The following WWOX variants were observed in gnomAD, a reference collection of about 807,000 sequenced individuals.
The protein encoded by WWOX is WW domain-containing oxidoreductase.
Under a neutral mutation model 46.2 loss-of-function variants are expected in WWOX, and 69 were observed. That is an observed-to-expected ratio of 1.49 (90% CI 1.23 to 1.82). The LOEUF is 1.82. Among genes scored for constraint, WWOX ranks in the 40% most tolerant of loss-of-function variants. The pLI, the probability that WWOX is intolerant of heterozygous loss-of-function variation, is 0.00. For missense variants in WWOX, 919 were observed against 542.6 expected (o/e 1.69, Z -6.89); for synonymous variants, 359 against 202.6 (o/e 1.77, Z -6.56).
chr16:78,816,391 T>G (rs1039928266), intron 8 of WWOX, among the ~76,000 whole-genome samples: 3 of 152,138 alleles, frequency 2.0e-5, no homozygotes, highest in Non-Finnish European at 4.4e-5. Flanking sequence ...TTTGTGCTTT[T>G]AATAGATATT....
chr16:78,993,706 C>A (rs528472658), intron 8 of WWOX, among the ~76,000 whole-genome samples: 43 of 152,350 alleles, frequency 2.8e-4, no homozygotes, highest in African/African-American at 9.9e-4. Context: ...AGGAAACACA[C>A]AGGGGCTCCA....
At chr16:78,920,864 G>A (rs1012818173) in intron 8 of WWOX, among the ~76,000 whole-genome samples, 2 of 152,190 alleles carry the variant, frequency 1.3e-5, no homozygotes, top group African/African-American at 2.4e-5. Flanking sequence ...TCAAAACTCT[G>A]ATGAGCTCGA....
At chr16:79,028,277 C>T (rs1363423757) in intron 8 of WWOX, among the ~76,000 whole-genome samples, 1 of 151,790 alleles carries the variant, frequency 6.6e-6, no homozygotes, top group Admixed American at 6.6e-5. Flanking sequence ...TTCCTAATAC[C>T]TGGCCCAGTG....
At chr16:78,290,543 G>T (rs2079843764) in intron 5 of WWOX, among the ~76,000 whole-genome samples, 1 of 152,156 alleles carries the variant, frequency 6.6e-6, no homozygotes, top group South Asian at 2.1e-4. Context: ...CCGTATTTAT[G>T]AAGAGAGTGT....
At position 78,492,386 on chromosome 16, in the gene WWOX, A is replaced by G. The variant is rs369467271; in HGVS notation, c.1056+59634A>G. Among the ~76,000 whole-genome samples the G allele has an allele frequency of 1.5e-3, 221 of 152,352 alleles. 2 individuals carry two copies. The highest frequency in any genetic ancestry group is 5.2e-3 in the African/African-American group (216 of 41,588). ...CTGGAGGGACCACATTTGTGACTCT[A>G]GCAATTAAGCCTCCCTTCTCATCTG... On this transcript the variant is annotated intron_variant, in intron 8 of 8. Coordinates refer to ENST00000566780, the MANE Select transcript of WWOX (RefSeq NM_016373.4).
At chr16:78,887,402 C>A (rs2044487997) in intron 8 of WWOX, among the ~76,000 whole-genome samples, 1 of 150,964 alleles carries the variant, frequency 6.6e-6, no homozygotes, top group Non-Finnish European at 1.5e-5. Context: ...TCCAAGGCAC[C>A]TGTTTGATAT....
At chr16:78,685,215 G>A (rs1176743023) in intron 8 of WWOX, among the ~76,000 whole-genome samples, 1 of 152,172 alleles carries the variant, frequency 6.6e-6, no homozygotes, top group African/African-American at 2.4e-5. Context: ...CCCTCAGCCA[G>A]GGCAGGAGTA....
At chr16:78,460,203 C>T (rs1239727622) in intron 8 of WWOX, among the ~76,000 whole-genome samples, 1 of 151,928 alleles carries the variant, frequency 6.6e-6, no homozygotes, top group Admixed American at 6.5e-5. Context: ...TCTGGGCTCA[C>T]TGCAACCTGT....
chr16:78,391,372 A>G (rs759193372), intron 6 of WWOX, among the ~76,000 whole-genome samples: 7 of 152,212 alleles, frequency 4.6e-5, no homozygotes, highest in Admixed American at 2.0e-4. Flanking sequence ...GATTATCCCT[A>G]CTTTGCAAAT....
chr16:79,006,303 C>T (rs1041606005), intron 8 of WWOX, among the ~76,000 whole-genome samples: 1 of 152,054 alleles, frequency 6.6e-6, no homozygotes, highest in Non-Finnish European at 1.5e-5. Context: ...CGCGGGAAGT[C>T]CAGGGACACA....
At chr16:78,877,279 C>A (rs1386794649) in intron 8 of WWOX, among the ~76,000 whole-genome samples, 2 of 77,196 alleles carry the variant, frequency 2.6e-5, no homozygotes, top group South Asian at 5.4e-4. Context: ...CTGCCTGCCT[C>A]CCCCCCTCTG....
At chr16:78,278,794 T>A in intron 5 of WWOX, 1 of 795,770 alleles carries the variant, frequency 1.3e-6, no homozygotes, top group Non-Finnish European at 2.0e-6. Context: ...CAACATCTAT[T>A]ATATGATTTA....
intron 8 of WWOX, among the ~76,000 whole-genome samples, chr16:78,611,418 A>T (rs2045897446): frequency 6.6e-6 from 1 of 152,256 alleles, no homozygotes; most frequent in African/African-American, 2.4e-5. Context: ...TGTCTATCCT[A>T]AGGGAATTCT....
At chr16:78,166,422 G>A (rs1433782032) in intron 5 of WWOX, among the ~76,000 whole-genome samples, 5 of 152,280 alleles carry the variant, frequency 3.3e-5, no homozygotes, top group African/African-American at 1.2e-4. Flanking sequence ...GCTGCTGTGA[G>A]CATTCTTTAT....
chr16:79,063,760 A>C (rs1464895130), intron 8 of WWOX, among the ~76,000 whole-genome samples: 3 of 152,240 alleles, frequency 2.0e-5, no homozygotes, highest in Non-Finnish European at 4.4e-5. Context: ...AAAATAGCTC[A>C]AAATAAAAAT....
At chr16:78,663,080 A>G (rs923053812) in intron 8 of WWOX, among the ~76,000 whole-genome samples, 3 of 152,210 alleles carry the variant, frequency 2.0e-5, no homozygotes, top group African/African-American at 7.2e-5. Flanking sequence ...AAACTTGTGC[A>G]GACATCACCA....
At chr16:78,684,518 G>A (rs1026049434) in intron 8 of WWOX, among the ~76,000 whole-genome samples, 14 of 152,118 alleles carry the variant, frequency 9.2e-5, no homozygotes, top group Admixed American at 3.3e-4. Flanking sequence ...GATTTATTAC[G>A]GGACCTGGAT....
intron 8 of WWOX, among the ~76,000 whole-genome samples, chr16:79,206,997 C>A (rs1159914294): frequency 6.6e-6 from 1 of 152,154 alleles, no homozygotes; most frequent in Non-Finnish European, 1.5e-5. Flanking sequence ...TGAGGAATGG[C>A]TGTATCCCAA....
intron 5 of WWOX, among the ~76,000 whole-genome samples, chr16:78,196,496 T>G (rs773208677): frequency 1.3e-5 from 2 of 152,212 alleles, no homozygotes; most frequent in Non-Finnish European, 2.9e-5. Context: ...AGCTACTTTG[T>G]AACCACATTA....
Sources: gnomAD v4.1 joint callset for allele counts (sites outside exome capture counted in the v4.1 genomes callset) on GRCh38, gnomAD v4.1.1 for gene constraint, MANE v1.5 for transcripts, NCBI Gene and HGNC (gene_info 2026-07-23, HGNC 2026-07-21) for gene names.